PEBP4: variants seen among roughly 807,000 people sequenced by gnomAD.
PEBP4 encodes the protein phosphatidylethanolamine binding protein 4.
Under a neutral mutation model 23.9 loss-of-function variants are expected in PEBP4, and 22 were observed. That is an observed-to-expected ratio of 0.92 (90% confidence interval 0.66 to 1.31). The LOEUF is 1.31. Ranked by LOEUF, PEBP4 falls within the 40% of genes most tolerant of loss-of-function variation. PEBP4 has a pLI of 0.00. For missense variants in PEBP4, 324 were observed against 281.7 expected (o/e 1.15, Z -1.07); for synonymous variants, 112 against 99.3 (o/e 1.13, Z -0.76).
At chr8:22,862,347 A>T (rs1432676729) in intron 3 of PEBP4, among the ~76,000 whole-genome samples, 2 of 152,174 alleles carry the variant, frequency 1.3e-5, no homozygotes, top group African/African-American at 4.8e-5. Flanking sequence ...CGTCTGCATA[A>T]AAAATGGAAC....
intron 3 of PEBP4, chr8:22,886,121 TA>T (rs1808368769): frequency 6.6e-6 from 1 of 152,256 alleles, no homozygotes; most frequent in Non-Finnish European, 1.5e-5. Flanking sequence ...TGCTCCAGAA[TA>T]ACTATCTGTT....
At chr8:22,882,521 T>C (rs1454078611) in intron 3 of PEBP4, among the ~76,000 whole-genome samples, 1 of 152,106 alleles carries the variant, frequency 6.6e-6, no homozygotes, top group African/African-American at 2.4e-5. Flanking sequence ...ATTTTGATCA[T>C]GAACAGAGGG....
intron 4 of PEBP4, among the ~76,000 whole-genome samples, chr8:22,810,971 CTA>C (rs1439233927): frequency 6.6e-6 from 1 of 151,966 alleles, no homozygotes; most frequent in African/African-American, 2.4e-5. Context: ...GTCAGCCTCT[CTA>C]TACACGCTTG....
At chr8:22,922,213 C>T (rs1199400939) in intron 2 of PEBP4, among the ~76,000 whole-genome samples, 2 of 152,094 alleles carry the variant, frequency 1.3e-5, no homozygotes, top group African/African-American at 4.8e-5. Flanking sequence ...ATTGCCCCAC[C>T]TAGGATGATG....
rs34887072 is a variant in PEBP4, at chr8:22,796,257, CGTGTGTGTGTGT to C, written c.357+21368_357+21379del. ...GTTTTCTCAGCAATTCTCAAGTGTGCGTGTGTGTGTGTGTGTGTGTGTGTGTGTGTGTTTGCC... is the reference window on the plus strand; with the variant it reads ...GTTTTCTCAGCAATTCTCAAGTGTGCGTGTGTGTGTGTGTGTGTGTTTGCC... On this transcript the variant is annotated intron_variant, in intron 4 of 6. Transcript: ENST00000256404. Among the ~76,000 whole-genome samples the C allele has an allele frequency of 5.0e-3, 744 of 149,864 alleles. 6 individuals carry two copies. The highest frequency in any genetic ancestry group is 0.017 in the African/African-American group (709 of 40,810).
At chr8:22,725,685 C>G (rs1415912790) in intron 5 of PEBP4, among the ~76,000 whole-genome samples, 2 of 152,154 alleles carry the variant, frequency 1.3e-5, no homozygotes, top group East Asian at 3.9e-4. Context: ...TGCTTCACCC[C>G]TTCCCACTCC....
intron 5 of PEBP4, among the ~76,000 whole-genome samples, chr8:22,726,034 C>CTGTGTGT (rs1804618286): frequency 1.0e-5 from 1 of 97,982 alleles, no homozygotes; most frequent in Non-Finnish European, 2.6e-5. Flanking sequence ...TGTGTGTGCA[C>CTGTGTGT]GCGCATGTGC....
chr8:22,754,513 A>C (rs183093350), intron 4 of PEBP4, among the ~76,000 whole-genome samples: 1 of 152,354 alleles, frequency 6.6e-6, no homozygotes, highest in Admixed American at 6.5e-5. Context: ...TAGAAGCTGG[A>C]GTAGATTTCT....
intron 3 of PEBP4, among the ~76,000 whole-genome samples, chr8:22,916,544 G>A (rs1809076594): frequency 6.6e-6 from 1 of 152,180 alleles, no homozygotes; most frequent in Non-Finnish European, 1.5e-5. Flanking sequence ...GCTGCCCTGG[G>A]TTCACTAGGT....
rs142292481 is a variant in PEBP4 at position 22,926,327 on chromosome 8, A to T, written c.131+1257T>A. 2.0e-5 allele frequency among the ~76,000 whole-genome samples: 3 copies of T among 151,108 alleles called. No homozygotes were observed. In the East Asian group the frequency reaches 5.9e-4, roughly 30 times the overall value. ...TTTCAAAATATACTGACACGAACAA[A>T]GTTTGTTACTTTTTGTTGTTGTTGT... On this transcript the variant is annotated intron_variant, in intron 2 of 6. Transcript: ENST00000256404.
At chr8:22,838,018 C>T (rs544168177) in intron 3 of PEBP4, among the ~76,000 whole-genome samples, 2 of 151,316 alleles carry the variant, frequency 1.3e-5, no homozygotes, top group African/African-American at 4.9e-5. Flanking sequence ...CCAACCTCAG[C>T]CCCCTGAGTA....
chr8:22,917,122 C>T (rs1466388350), intron 3 of PEBP4, among the ~76,000 whole-genome samples: 9 of 24,206 alleles, frequency 3.7e-4, no homozygotes, highest in Admixed American at 1.3e-3. Flanking sequence ...TTGCTGGGGG[C>T]GGGGGAGGGG....
At chr8:22,827,462 C>T (rs1184002046) in intron 3 of PEBP4, among the ~76,000 whole-genome samples, 1 of 152,164 alleles carries the variant, frequency 6.6e-6, no homozygotes, top group East Asian at 1.9e-4. Flanking sequence ...TTTTGCCCTT[C>T]CTGGACATTT....
chr8:22,882,833 G>C (rs1181851309), intron 3 of PEBP4, among the ~76,000 whole-genome samples: 3 of 151,970 alleles, frequency 2.0e-5, no homozygotes, highest in African/African-American at 2.4e-5. Context: ...ACCACCCCAG[G>C]GTGGGTACTA....
intron 3 of PEBP4, among the ~76,000 whole-genome samples, chr8:22,889,250 A>C (rs1341099783): frequency 6.6e-6 from 1 of 152,250 alleles, no homozygotes; most frequent in Non-Finnish European, 1.5e-5. Context: ...TCGGGAGAGA[A>C]GCACCCATTT....
intron 3 of PEBP4, among the ~76,000 whole-genome samples, chr8:22,903,233 T>C (rs947720647): frequency 6.6e-5 from 10 of 152,222 alleles, no homozygotes; most frequent in African/African-American, 2.4e-4. Context: ...CAGCTGGCGT[T>C]GAAATCCTGG....
chr8:22,814,623 C>G (rs190220267), intron 4 of PEBP4, among the ~76,000 whole-genome samples: 3 of 152,298 alleles, frequency 2.0e-5, no homozygotes, highest in Admixed American at 2.0e-4. Flanking sequence ...CCCCTAATAT[C>G]AGGGTCAGCT....
intron 4 of PEBP4, among the ~76,000 whole-genome samples, chr8:22,814,557 C>T (rs1806698694): frequency 6.6e-6 from 1 of 152,168 alleles, no homozygotes; most frequent in Non-Finnish European, 1.5e-5. Flanking sequence ...AAAAAATTGT[C>T]CCTACTGAAG....
chr8:22,794,272 A>G (rs1806197144), intron 4 of PEBP4, among the ~76,000 whole-genome samples: 1 of 149,762 alleles, frequency 6.7e-6, no homozygotes, highest in East Asian at 2.0e-4. Context: ...ACTTCTTTCA[A>G]CAACCCTGTG....
Sources: allele counts gnomAD v4.1 joint callset (sites outside exome capture counted in the v4.1 genomes callset), GRCh38; gene constraint gnomAD v4.1.1; transcripts MANE v1.5; gene names NCBI Gene and HGNC (gene_info 2026-07-23, HGNC 2026-07-21).